The following DNAH14 variants were observed in gnomAD, a reference collection of about 807,000 sequenced individuals.
DNAH14 encodes dynein axonemal heavy chain 14, also known as axonemal beta dynein heavy chain 14.
A neutral mutation model predicts 520.9 loss-of-function variants in DNAH14; 478 were observed. That is an observed-to-expected ratio of 0.92 (90% confidence interval 0.85 to 0.99). DNAH14 has a LOEUF of 0.99. Ranked by LOEUF, DNAH14 falls within the 50% of genes least tolerant of loss-of-function variation. DNAH14 has a pLI of 0.00. For synonymous variants in DNAH14, 1,581 were observed against 1,757.2 expected (o/e 0.90, Z 2.51); for missense variants, 4,831 against 5,234.5 (o/e 0.92, Z 2.38).
intron 76 of DNAH14, among the ~76,000 whole-genome samples, chr1:225,367,111 TGTAA>T (rs939574705): frequency 1.3e-5 from 2 of 151,242 alleles, no homozygotes; most frequent in Admixed American, 6.6e-5. Flanking sequence ...ACACAACTTA[TGTAA>T]GTGTGTGTGT....
Position 225,117,873 on chromosome 1 carries a change from G to T in DNAH14, c.3973-8G>T. On this transcript the variant is annotated splice_polypyrimidine_tract_variant and splice_region_variant and intron_variant, in intron 24 of 85. Transcript: ENST00000682510. ...ATAATATTACTGACATTTGTTTCTG[G>T]TTCACAGCCTCATCTTGTGAAATGC... 1 of 1,534,374 alleles carries T rather than the reference G, an allele frequency of 6.5e-7. No homozygotes were observed. Among genetic ancestry groups the T allele is most frequent in the Non-Finnish European group, 8.8e-7 (1 of 1,132,058 alleles).
chr1:225,363,273 G>A (rs2095513977), intron 75 of DNAH14, among the ~76,000 whole-genome samples: 1 of 152,092 alleles, frequency 6.6e-6, no homozygotes, highest in African/African-American at 2.4e-5. Context: ...CTCATGTTTA[G>A]TTTATTGTCC....
At chr1:225,270,060 T>C (rs2093266462) in intron 49 of DNAH14, among the ~76,000 whole-genome samples, 1 of 152,032 alleles carries the variant, frequency 6.6e-6, no homozygotes, top group East Asian at 1.9e-4. Context: ...TAGCAAAGAC[T>C]TGGAACCAAC....
intron 27 of DNAH14, among the ~76,000 whole-genome samples, chr1:225,132,021 GTTTC>G (rs1241296011): frequency 6.6e-6 from 1 of 152,020 alleles, no homozygotes; most frequent in African/African-American, 2.4e-5. Flanking sequence ...GTTTTTGTTT[GTTTC>G]TTTGATTTTT....
At chr1:225,259,359 G>T in intron 46 of DNAH14, 106 bp downstream of exon 46, 2 of 824,446 alleles carry the variant, frequency 2.4e-6, no homozygotes, top group Non-Finnish European at 3.4e-6. Context: ...ATGTAAAAAT[G>T]CAGAATCATT....
intron 38 of DNAH14, among the ~76,000 whole-genome samples, 167 bp downstream of exon 38, chr1:225,193,078 G>A (rs1470136084): frequency 5.3e-5 from 8 of 151,974 alleles, no homozygotes; most frequent in Non-Finnish European, 2.9e-5. Flanking sequence ...ATTAAAAAAT[G>A]GAAAATCTCC....
At chr1:225,112,200 A>G (rs781777221) in intron 23 of DNAH14, among the ~76,000 whole-genome samples, 1 of 152,098 alleles carries the variant, frequency 6.6e-6, no homozygotes, top group Non-Finnish European at 1.5e-5. Context: ...GAAAATCTGT[A>G]TGTCCCCTTC....
At chr1:225,138,136 A>T (rs1275539897) in intron 27 of DNAH14, among the ~76,000 whole-genome samples, 2 of 152,082 alleles carry the variant, frequency 1.3e-5, no homozygotes, top group Non-Finnish European at 2.9e-5. Context: ...GGGAGAGATC[A>T]GAGCTCTGTG....
chr1:225,307,043 T>C (rs1201221984), intron 58 of DNAH14, among the ~76,000 whole-genome samples: 1 of 152,118 alleles, frequency 6.6e-6, no homozygotes, highest in Non-Finnish European at 1.5e-5. Flanking sequence ...AAATGAGAGG[T>C]ACCCTTATGG....
chr1:225,004,122 A>G (rs1408492523), intron 9 of DNAH14, among the ~76,000 whole-genome samples: 1 of 152,128 alleles, frequency 6.6e-6, no homozygotes, highest in South Asian at 2.1e-4. Flanking sequence ...AGTATTTATT[A>G]TCTATTATAT....
chr1:225,216,111 C>G (rs1397845174), intron 41 of DNAH14, among the ~76,000 whole-genome samples: 2 of 152,138 alleles, frequency 1.3e-5, no homozygotes, highest in Admixed American at 6.5e-5. Flanking sequence ...AATGTCTCAG[C>G]ATTTGCTTGT....
intron 34 of DNAH14, among the ~76,000 whole-genome samples, chr1:225,156,706 A>AT (rs1553483258): frequency 9.4e-6 from 1 of 106,762 alleles, no homozygotes; most frequent in Non-Finnish European, 1.8e-5. Context: ...TCCTCTTAAA[A>AT]TTCTTTTTTT....
intron 1 of DNAH14, among the ~76,000 whole-genome samples, chr1:224,931,334 A>G (rs1032846530): frequency 6.6e-6 from 1 of 152,188 alleles, no homozygotes; most frequent in African/African-American, 2.4e-5. Flanking sequence ...GCTATGATTT[A>G]TTATTGAAAA....
At chr1:224,985,542 A>G (rs1466540948) in intron 8 of DNAH14, among the ~76,000 whole-genome samples, 1 of 151,930 alleles carries the variant, frequency 6.6e-6, no homozygotes, top group Non-Finnish European at 1.5e-5. Flanking sequence ...TGGGTGCACC[A>G]GGTTCTCACA....
chr1:225,308,351 G>C lies in DNAH14; in HGVS notation c.9181G>C (p.Val3061Leu). Residue 3061 changes from valine (V) to leucine (L), a missense_variant, in exon 60 of 86, where the codon GTT becomes CTT. Val to Leu is a conservative substitution (Grantham distance 32). Transcript: ENST00000682510. ...SQVVEKVQML[V>L]KQDEEIVAEE... ...AGTAGTTGAGAAAGTTCAGATGCTT[G>C]TTAAACAGGATGAAGAAATTGTGGC... The C allele has an allele frequency of 6.5e-7, 1 of 1,543,296 alleles. No individual in the cohort carries two copies. The highest frequency in any genetic ancestry group is 8.7e-7 in the Non-Finnish European group (1 of 1,144,660).
Position 225,304,897 on chromosome 1 carries a change from T to C in DNAH14, c.8824-11T>C. ...GCTTTCTCTTAATTCTTAAAAATTA[T>C]TATTCTTCAGAACTTGAAAGAAAAA... On this transcript the variant is annotated splice_polypyrimidine_tract_variant and intron_variant, in intron 57 of 85. Coordinates refer to ENST00000682510, the MANE Select transcript of DNAH14 (RefSeq NM_001367479.1). 6.7e-7 allele frequency: 1 copy of C among 1,500,944 alleles called. No individual in the cohort carries two copies. The highest frequency in any genetic ancestry group is 8.8e-7 in the Non-Finnish European group (1 of 1,132,046). 93.0% of individuals were successfully genotyped at this position (1,500,944 alleles called of 1,614,324 possible).
At chr1:225,332,027 T>C (rs1277241978) in intron 65 of DNAH14, among the ~76,000 whole-genome samples, 2 of 152,052 alleles carry the variant, frequency 1.3e-5, no homozygotes, top group African/African-American at 4.8e-5. Flanking sequence ...GAATGGCTAC[T>C]CCATAGGCAG....
intron 76 of DNAH14, among the ~76,000 whole-genome samples, chr1:225,365,954 A>G (rs2095547838): frequency 6.6e-6 from 1 of 152,206 alleles, no homozygotes; most frequent in African/African-American, 2.4e-5. Context: ...AGTTTTTCAT[A>G]TGCCATTATT....
At chr1:225,268,401 C>A (rs2093197365) in intron 49 of DNAH14, among the ~76,000 whole-genome samples, 1 of 152,208 alleles carries the variant, frequency 6.6e-6, no homozygotes, top group African/African-American at 2.4e-5. Flanking sequence ...TGGAAGCATT[C>A]CCTTTGAAAA....
Sources: allele counts gnomAD v4.1 joint callset (sites outside exome capture counted in the v4.1 genomes callset), GRCh38; gene constraint gnomAD v4.1.1; transcripts MANE v1.5; gene names NCBI Gene and HGNC (gene_info 2026-07-23, HGNC 2026-07-21).